DAB1: variants seen among roughly 807,000 people sequenced by gnomAD.
DAB1 encodes the protein disabled homolog 1.
In DAB1, 15 loss-of-function variants were observed where a neutral mutation model predicts 64.6. The observed-to-expected ratio is 0.23, with a 90% CI of 0.16 to 0.36. The LOEUF is 0.36. DAB1 is among the 10% of genes least tolerant of loss of function. The probability of loss-of-function intolerance (pLI) is 1.00; values close to 1 mark genes in which losing one functional copy is unlikely to be tolerated. For synonymous variants in DAB1, 235 were observed against 251.9 expected, an observed-to-expected ratio of 0.93 and a Z score of 0.64; for missense variants, 596 against 706.7, an observed-to-expected ratio of 0.84 and a Z score of 1.78.
chr1:57,691,868 G>A (rs1240142626), intron 6 of DAB1, among the ~76,000 whole-genome samples: 3 of 151,986 alleles, frequency 2.0e-5, no homozygotes, highest in Admixed American at 6.6e-5. Context: ...TAGAATTTGG[G>A]GGCTAAATAT....
intron 5 of DAB1, among the ~76,000 whole-genome samples, chr1:57,918,585 G>A (rs1006674481): frequency 1.2e-4 from 18 of 152,164 alleles, no homozygotes; most frequent in African/African-American, 3.9e-4. Flanking sequence ...AGCACTTTGG[G>A]AGGCCGGGGC....
chr1:57,231,578 G>A (rs762546005), intron 2 of DAB1, among the ~76,000 whole-genome samples: 3 of 152,288 alleles, frequency 2.0e-5, no homozygotes, highest in Admixed American at 6.5e-5. Context: ...AGAGCTAAGC[G>A]CTTTACATAT....
chr1:58,325,694 G>C (rs910125972), intron 4 of DAB1, among the ~76,000 whole-genome samples: 1 of 152,118 alleles, frequency 6.6e-6, no homozygotes, highest in Non-Finnish European at 1.5e-5. Context: ...AATCAGTGCT[G>C]TATGTAAAGG....
intron 3 of DAB1, among the ~76,000 whole-genome samples, chr1:58,458,171 C>T (rs778370745): frequency 6.6e-6 from 1 of 152,176 alleles, no homozygotes; most frequent in Non-Finnish European, 1.5e-5. Context: ...ATTAAAAATT[C>T]AGTTTCTCAT....
chr1:57,230,420 A>G (rs545279483), intron 2 of DAB1, among the ~76,000 whole-genome samples: 1 of 152,066 alleles, frequency 6.6e-6, no homozygotes, highest in East Asian at 1.9e-4. Flanking sequence ...TGTCATTATG[A>G]TAAGGAAATA....
intron 4 of DAB1, among the ~76,000 whole-genome samples, chr1:58,213,698 T>TTA (rs1339647680): frequency 1.3e-5 from 2 of 152,162 alleles, no homozygotes; most frequent in Non-Finnish European, 2.9e-5. Flanking sequence ...ACCATATCAC[T>TTA]TATATAAGTT....
intron 1 of DAB1, among the ~76,000 whole-genome samples, chr1:57,322,133 A>T (rs1675774992): frequency 1.3e-5 from 2 of 152,154 alleles, no homozygotes; most frequent in African/African-American, 4.8e-5. Context: ...AAAAGCAGTC[A>T]TGTACTTGCC....
At chr1:57,524,838 G>A (rs1644572277) in intron 7 of DAB1, among the ~76,000 whole-genome samples, 1 of 152,018 alleles carries the variant, frequency 6.6e-6, no homozygotes, top group Non-Finnish European at 1.5e-5. Context: ...GGCTTGGCTT[G>A]GGCTCAGAGG....
chr1:57,432,859 G>A (rs1475436705), intron 7 of DAB1, among the ~76,000 whole-genome samples: 1 of 152,038 alleles, frequency 6.6e-6, no homozygotes, highest in African/African-American at 2.4e-5. Flanking sequence ...ACTTGCCTTT[G>A]TTCTAAGAAA....
At chr1:57,488,244 A>G (rs1375434938) in intron 7 of DAB1, among the ~76,000 whole-genome samples, 1 of 152,030 alleles carries the variant, frequency 6.6e-6, no homozygotes, top group Non-Finnish European at 1.5e-5. Context: ...TCTACTAAAA[A>G]TACAAAAAAT....
At chr1:57,029,475 G>A (rs1646899402) in intron 9 of DAB1, among the ~76,000 whole-genome samples, 1 of 152,152 alleles carries the variant, frequency 6.6e-6, no homozygotes, top group Non-Finnish European at 1.5e-5. Flanking sequence ...TGAGAATAGG[G>A]CCACTGTCCT....
At chr1:57,925,950 G>C (rs917134050) in intron 5 of DAB1, among the ~76,000 whole-genome samples, 1 of 152,138 alleles carries the variant, frequency 6.6e-6, no homozygotes, top group Admixed American at 6.5e-5. Flanking sequence ...CTTGGACAGG[G>C]GCTAGCTGAA....
At chr1:57,314,511 C>T (rs1055744128) in intron 1 of DAB1, among the ~76,000 whole-genome samples, 1 of 152,098 alleles carries the variant, frequency 6.6e-6, no homozygotes, top group African/African-American at 2.4e-5. Context: ...AATGCCAATC[C>T]CTGCTTACAT....
chr1:57,201,883 C>T (rs1200040969), intron 2 of DAB1, among the ~76,000 whole-genome samples: 1 of 147,102 alleles, frequency 6.8e-6, no homozygotes, highest in Non-Finnish European at 1.5e-5. Flanking sequence ...TGAATAAATG[C>T]ATGCATGCAT....
chr1:58,499,493 GATA>G (rs1557442530), intron 3 of DAB1, among the ~76,000 whole-genome samples: 2 of 149,554 alleles, frequency 1.3e-5, no homozygotes, highest in East Asian at 3.9e-4. Flanking sequence ...TAGATAGATA[GATA>G]GATAGATAGA....
At chr1:58,535,830 G>C (rs950981979) in intron 1 of DAB1, among the ~76,000 whole-genome samples, 1 of 151,976 alleles carries the variant, frequency 6.6e-6, no homozygotes, top group African/African-American at 2.4e-5. Flanking sequence ...CTTAAATTTG[G>C]ATTCAAAAAA....
chr1:58,346,835 C>G (rs1644005347), intron 3 of DAB1, among the ~76,000 whole-genome samples: 1 of 152,190 alleles, frequency 6.6e-6, no homozygotes, highest in African/African-American at 2.4e-5. Context: ...ATGCTTAAAA[C>G]TCATGAATTC....
intron 5 of DAB1, among the ~76,000 whole-genome samples, chr1:58,007,408 C>T (rs995469944): frequency 1.6e-4 from 25 of 152,152 alleles, no homozygotes; most frequent in Non-Finnish European, 2.9e-4. Flanking sequence ...TTTCAAGCTT[C>T]AACATGTACT....
At chr1:57,326,062 C>T (rs1013460645) in intron 1 of DAB1, among the ~76,000 whole-genome samples, 16 of 152,210 alleles carry the variant, frequency 1.1e-4, no homozygotes, top group African/African-American at 3.9e-4. Context: ...TACACTTTTG[C>T]TAGGCATAGA....
Sources: gnomAD v4.1 joint callset for allele counts (sites outside exome capture counted in the v4.1 genomes callset) on GRCh38, gnomAD v4.1.1 for gene constraint, MANE v1.5 for transcripts, NCBI Gene and HGNC (gene_info 2026-07-23, HGNC 2026-07-21) for gene names.